RAB40C: variants seen among roughly 807,000 people sequenced by gnomAD.
RAB40C encodes the protein RAB40C, member RAS oncogene family, also known as ras-related protein Rab-40C.
A neutral mutation model predicts 28.1 loss-of-function variants in RAB40C; 8 were observed. The observed-to-expected ratio is 0.28, with a 90% CI of 0.17 to 0.51. RAB40C has a LOEUF of 0.51. RAB40C is among the 20% of genes least tolerant of loss of function. RAB40C has a pLI of 0.97. For synonymous variants in RAB40C, 201 were observed against 171.7 expected (o/e 1.17, Z -1.34); for missense variants, 288 against 405.9 (o/e 0.71, Z 2.50).
chr16:625,065 C>A, intron 3 of RAB40C: 1 of 1,294,230 alleles, frequency 7.7e-7, no homozygotes, highest in Middle Eastern at 2.1e-4. Flanking sequence ...CGGGGGGATT[C>A]ACTGATGGAC....
chr16:620,851 G>A (rs1050926825), intron 3 of RAB40C, among the ~76,000 whole-genome samples: 7 of 151,632 alleles, frequency 4.6e-5, no homozygotes, highest in South Asian at 4.2e-4. Context: ...GGGCTCCACC[G>A]CAGGCATCCC....
Position 627,652 on chromosome 16 carries a change from G to A in RAB40C, c.*30G>A. 6.5e-7 allele frequency: 1 copy of A among 1,543,554 alleles called. No individual in the cohort carries two copies. The highest frequency in any genetic ancestry group is 1.4e-5 in the African/African-American group (1 of 73,300). ...GATGGGCGGGGCCGCCTGTGCAGAT[G>A]CCAGGAGGGCTCGAGCTGGACACTC... is the stretch of plus-strand genomic sequence containing the variant. On this transcript the variant is annotated 3_prime_UTR_variant, in exon 6 of 6. Coordinates refer to ENST00000248139, the MANE Select transcript of RAB40C (RefSeq NM_021168.5).
intron 1 of RAB40C, among the ~76,000 whole-genome samples, chr16:609,258 G>A (rs557444639): frequency 6.6e-6 from 1 of 152,170 alleles, no homozygotes; most frequent in Non-Finnish European, 1.5e-5. Flanking sequence ...GCAGTGCCTG[G>A]TGTGGTTCCC....
intron 1 of RAB40C, among the ~76,000 whole-genome samples, chr16:604,990 G>A (rs569504062): frequency 5.9e-4 from 90 of 152,252 alleles, no homozygotes; most frequent in African/African-American, 1.9e-3. Flanking sequence ...CCCGGGAGGC[G>A]GAGGTTGGAG....
chr16:625,099 C>T lies in RAB40C; in HGVS notation c.265-333C>T, dbSNP rs2036799875. Reference sequence around the variant, plus strand: ...ACTGGCCGAGAGGACACTTAGCTTCCACAGCTGCACGTCCCCCGGCTGCCA... The same window carrying T: ...ACTGGCCGAGAGGACACTTAGCTTCTACAGCTGCACGTCCCCCGGCTGCCA... On this transcript the variant is annotated intron_variant, in intron 3 of 5. Coordinates refer to ENST00000248139, the MANE Select transcript of RAB40C (RefSeq NM_021168.5). The T allele has an allele frequency of 3.8e-6, 5 of 1,313,838 alleles. No individual in the cohort carries two copies. The South Asian group carries it at 4.9e-5, about 13-fold the overall frequency. The allele number at this position is 1,313,838 out of a possible 1,614,324, so 81.4% of individuals were successfully genotyped here. A position where few individuals can be genotyped will look rare whatever the true frequency, so the allele number is the denominator to read the frequency against.
At chr16:622,199 G>A (rs191126454) in intron 3 of RAB40C, among the ~76,000 whole-genome samples, 2 of 152,314 alleles carry the variant, frequency 1.3e-5, no homozygotes, top group African/African-American at 4.8e-5. Flanking sequence ...TTCTACTTCT[G>A]GGAATTTATC....
intron 1 of RAB40C, among the ~76,000 whole-genome samples, chr16:592,386 G>A (rs996029260): frequency 6.6e-6 from 1 of 152,188 alleles, no homozygotes; most frequent in East Asian, 1.9e-4. Flanking sequence ...CAGCAGCACC[G>A]GGGGCTCTGG....
intron 2 of RAB40C, among the ~76,000 whole-genome samples, chr16:617,479 C>T (rs1000287972): frequency 6.6e-6 from 1 of 152,260 alleles, no homozygotes; most frequent in Non-Finnish European, 1.5e-5. Context: ...GGCTCCCCTC[C>T]TGCCCCGGAA....
intron 3 of RAB40C, among the ~76,000 whole-genome samples, chr16:618,678 G>A (rs1432009766): frequency 6.6e-6 from 1 of 151,382 alleles, no homozygotes; most frequent in East Asian, 2.0e-4. Context: ...TGTACTTGGA[G>A]CTGTGTGTGT....
intron 1 of RAB40C, among the ~76,000 whole-genome samples, chr16:603,815 G>A (rs561760468): frequency 5.9e-5 from 9 of 152,222 alleles, no homozygotes; most frequent in African/African-American, 2.2e-4. Context: ...CACATGGGCT[G>A]CTTTTTCCTG....
chr16:616,255 CAA>C (rs913931251), intron 1 of RAB40C, among the ~76,000 whole-genome samples: 7 of 113,372 alleles, frequency 6.2e-5, no homozygotes, highest in Non-Finnish European at 3.8e-5. Flanking sequence ...GACTCTGTCT[CAA>C]AAAAAAAAAA....
intron 1 of RAB40C, among the ~76,000 whole-genome samples, chr16:595,122 G>A (rs1003101017): frequency 6.6e-6 from 1 of 152,186 alleles, no homozygotes; most frequent in Admixed American, 6.5e-5. Flanking sequence ...CCTTTCCTCT[G>A]TGAGGTGCCG....
chr16:607,715 C>T (rs1476709955), intron 1 of RAB40C, among the ~76,000 whole-genome samples: 1 of 152,106 alleles, frequency 6.6e-6, no homozygotes, highest in Non-Finnish European at 1.5e-5. Flanking sequence ...GGCATGAACC[C>T]AGAAGGCGGA....
rs2151079850 is a variant in RAB40C at position 622,792 on chromosome 16, CGGCGCCT to C, written c.265-2636_265-2630del. Among the ~76,000 whole-genome samples the C allele has an allele frequency of 2.6e-5, 4 of 152,346 alleles. No homozygotes were observed. The South Asian group carries it at 8.3e-4, about 32-fold the overall frequency. On this transcript the variant is annotated intron_variant, in intron 3 of 5. Transcript: ENST00000248139. The stretch of plus-strand genomic sequence containing the variant: ...GTGCTGGGATCGCAGGCGTGAGCCA[CGGCGCCT>C]GGCCGAAGTCGCTAGTTTTTTAAAA...
At chr16:594,033 C>A (rs146720565) in intron 1 of RAB40C, among the ~76,000 whole-genome samples, 23 of 152,206 alleles carry the variant, frequency 1.5e-4, no homozygotes, top group African/African-American at 5.5e-4. Flanking sequence ...CCCGTGTTGG[C>A]CCCCAGGAAC....
chr16:611,551 C>T (rs937698396), intron 1 of RAB40C, among the ~76,000 whole-genome samples: 9 of 152,218 alleles, frequency 5.9e-5, no homozygotes, highest in Non-Finnish European at 1.0e-4. Flanking sequence ...ACGGCCTGAG[C>T]GCGGTGCCTC....
At chr16:597,239 G>A (rs1420743973) in intron 1 of RAB40C, among the ~76,000 whole-genome samples, 3 of 152,072 alleles carry the variant, frequency 2.0e-5, no homozygotes, top group East Asian at 3.9e-4. Flanking sequence ...TGGTGCTGGG[G>A]GGCCTGGAGT....
At chr16:607,186 G>T (rs1338672645) in intron 1 of RAB40C, among the ~76,000 whole-genome samples, 1 of 152,244 alleles carries the variant, frequency 6.6e-6, no homozygotes, top group Non-Finnish European at 1.5e-5. Flanking sequence ...CAGACCACCA[G>T]CACGTTGATG....
At chr16:594,322 C>G (rs563525734) in intron 1 of RAB40C, among the ~76,000 whole-genome samples, 1 of 152,132 alleles carries the variant, frequency 6.6e-6, no homozygotes, top group Admixed American at 6.5e-5. Context: ...TCCTTTGAGC[C>G]TGGCAAGTTG....
Sources: allele counts gnomAD v4.1 joint callset (sites outside exome capture counted in the v4.1 genomes callset), GRCh38; gene constraint gnomAD v4.1.1; transcripts MANE v1.5; gene names NCBI Gene and HGNC (gene_info 2026-07-23, HGNC 2026-07-21).